FBXL17: variants seen among roughly 807,000 people sequenced by gnomAD.
FBXL17 encodes the protein F-box/LRR-repeat protein 17.
In FBXL17, 22 loss-of-function variants were observed where a neutral mutation model predicts 66.2. The ratio of observed to expected loss-of-function variants is 0.33; its 90% CI spans 0.24 to 0.47. The LOEUF (loss-of-function observed/expected upper bound fraction) is 0.47, where lower values mean the gene tolerates loss of function less well. Ranked by LOEUF, FBXL17 falls within the 20% of genes least tolerant of loss-of-function variation. The pLI is 1.00. For synonymous variants in FBXL17, 474 were observed against 400.5 expected (o/e 1.18, Z -2.19); for missense variants, 878 against 948.2 (o/e 0.93, Z 0.97).
chr5:108,374,715 G>C (rs1390737616), intron 1 of FBXL17, among the ~76,000 whole-genome samples: 1 of 151,904 alleles, frequency 6.6e-6, no homozygotes, highest in East Asian at 1.9e-4. Flanking sequence ...GGGAGGTGAG[G>C]AAAGAGGAGG....
At chr5:108,066,486 A>T (rs1281707382) in intron 6 of FBXL17, among the ~76,000 whole-genome samples, 1 of 151,948 alleles carries the variant, frequency 6.6e-6, no homozygotes, top group Non-Finnish European at 1.5e-5. Context: ...AATATAAATG[A>T]CTTCAAACAA....
intron 7 of FBXL17, among the ~76,000 whole-genome samples, chr5:107,958,216 T>A (rs1404820555): frequency 6.6e-6 from 1 of 152,116 alleles, no homozygotes; most frequent in African/African-American, 2.4e-5. Context: ...ATTTATTTAT[T>A]TTTTGGTGGC....
At chr5:108,213,145 C>T (rs955770055) in intron 5 of FBXL17, among the ~76,000 whole-genome samples, 2 of 152,106 alleles carry the variant, frequency 1.3e-5, no homozygotes, top group Non-Finnish European at 1.5e-5. Flanking sequence ...AGGTGACCCT[C>T]CCCCTACCGA....
chr5:108,323,343 T>C (rs1759704991), intron 4 of FBXL17, among the ~76,000 whole-genome samples: 1 of 151,594 alleles, frequency 6.6e-6, no homozygotes, highest in Non-Finnish European at 1.5e-5. Context: ...AAGAGAACTA[T>C]TCAATTTACA....
chr5:107,906,242 A>C (rs1005620746), intron 7 of FBXL17, among the ~76,000 whole-genome samples: 2 of 152,156 alleles, frequency 1.3e-5, no homozygotes, highest in African/African-American at 4.8e-5. Context: ...TGTTATGTTT[A>C]TATGTATATG....
In FBXL17 at chr5:108,381,210, A is replaced by G; in HGVS notation, c.482T>C (p.Leu161Pro). The G allele has an allele frequency of 8.3e-6, 12 of 1,445,894 alleles. No homozygotes were observed. Among genetic ancestry groups the G allele is most frequent in the Non-Finnish European group, 1.0e-5 (11 of 1,101,082 alleles). 89.6% of individuals were successfully genotyped at this position (1,445,894 alleles called of 1,614,324 possible). ...AWEQQGRSLFLASLGPVRFLG... is the reference protein window; with the variant it reads ...AWEQQGRSLFPASLGPVRFLG... ...GAAGCGCACCGGCCCCAAGCTGGCCAGGAAGAGACTTCGGCCCTGCTGCTC... is the reference window on the plus strand; with the variant it reads ...GAAGCGCACCGGCCCCAAGCTGGCCGGGAAGAGACTTCGGCCCTGCTGCTC... The change falls in exon 1 of 9, where the codon CTG (leucine) becomes CCG (proline). Residue 161 changes from leucine to proline, a missense_variant. Around this residue, in one of 4 missense-constraint regions of FBXL17, gnomAD observed 605 missense variants for 509.5 expected, o/e 1.19. Coordinates refer to ENST00000542267, the MANE Select transcript of FBXL17 (RefSeq NM_001163315.3).
chr5:107,882,355 ATT>A (rs10641660), intron 7 of FBXL17, among the ~76,000 whole-genome samples: 1 of 148,378 alleles, frequency 6.7e-6, no homozygotes, highest in Non-Finnish European at 1.5e-5. Context: ...TTACCTCAGT[ATT>A]TTTTTTTTTT....
intron 3 of FBXL17, 40 bp downstream of exon 3, chr5:108,364,698 T>A (rs1231585423): frequency 6.6e-7 from 1 of 1,507,148 alleles, no homozygotes; most frequent in Non-Finnish European, 9.0e-7. Flanking sequence ...ACATTTTTAA[T>A]TAATTCAAGT....
intron 4 of FBXL17, among the ~76,000 whole-genome samples, chr5:108,283,252 T>C (rs888100874): frequency 3.3e-5 from 5 of 151,856 alleles, no homozygotes; most frequent in Non-Finnish European, 7.4e-5. Context: ...TATCAAATTA[T>C]ATTATAATTT....
intron 7 of FBXL17, among the ~76,000 whole-genome samples, chr5:107,909,044 T>G (rs1749859661): frequency 6.6e-6 from 1 of 152,112 alleles, no homozygotes; most frequent in Non-Finnish European, 1.5e-5. Flanking sequence ...ATAGTCTCAT[T>G]TGTACACTTA....
chr5:107,913,496 A>G (rs186177567), intron 7 of FBXL17, among the ~76,000 whole-genome samples: 1 of 152,088 alleles, frequency 6.6e-6, no homozygotes, highest in Non-Finnish European at 1.5e-5. Context: ...TGATCATGAC[A>G]ATGATGATGG....
rs528875842 is a variant in FBXL17, at chr5:108,019,905, C to A, written c.1822+1020G>T. 2.0e-5 allele frequency among the ~76,000 whole-genome samples: 3 copies of A among 151,482 alleles called. No homozygotes were observed. In the Admixed American group the frequency reaches 2.0e-4, roughly 10 times the overall value. On this transcript the variant is annotated intron_variant, in intron 7 of 8. Transcript: ENST00000542267. ...TATAAGACATATTCTCCAAGATAAACTGAAATTAGGTGTGTTTCTAAATGT... is the reference window on the plus strand; with the variant it reads ...TATAAGACATATTCTCCAAGATAAAATGAAATTAGGTGTGTTTCTAAATGT...
rs565063726 is a variant in FBXL17, at chr5:107,984,119, C to G, written c.1822+36806G>C. ...TGAGCAAGCTCGGCCTTGGGGATTT[C>G]TACTGGTAAGGTTTTTTATTCTCAG... On this transcript the variant is annotated intron_variant, in intron 7 of 8. Transcript: ENST00000542267. Among the ~76,000 whole-genome samples, 11 of 152,174 alleles carry G rather than the reference C, an allele frequency of 7.2e-5. 1 individual carries two copies. The highest frequency in any genetic ancestry group is 2.2e-4 in the African/African-American group (9 of 41,510).
At chr5:108,195,399 T>A (rs1297962294) in intron 5 of FBXL17, among the ~76,000 whole-genome samples, 1 of 152,028 alleles carries the variant, frequency 6.6e-6, no homozygotes, top group Non-Finnish European at 1.5e-5. Context: ...GCAAAGGCCC[T>A]GAGATGGAAA....
At chr5:108,219,928 C>CTTTTT in intron 5 of FBXL17, among the ~76,000 whole-genome samples, 11 of 37,454 alleles carry the variant, frequency 2.9e-4, no homozygotes, top group African/African-American at 9.7e-4. Context: ...TTACTATTTC[C>CTTTTT]TTTTTTTTTT....
At chr5:108,355,381 C>T (rs1287246816) in intron 3 of FBXL17, among the ~76,000 whole-genome samples, 3 of 151,798 alleles carry the variant, frequency 2.0e-5, no homozygotes, top group Admixed American at 6.6e-5. Flanking sequence ...CTCCGCCTCC[C>T]AGGTTCAAGC....
At chr5:108,353,485 C>T (rs955258408) in intron 3 of FBXL17, among the ~76,000 whole-genome samples, 4 of 152,226 alleles carry the variant, frequency 2.6e-5, no homozygotes, top group Middle Eastern at 3.4e-3. Flanking sequence ...CAGGTCTTCA[C>T]GGAGAATACT....
intron 6 of FBXL17, among the ~76,000 whole-genome samples, chr5:108,032,334 T>A (rs1746673155): frequency 6.6e-6 from 1 of 152,144 alleles, no homozygotes; most frequent in Non-Finnish European, 1.5e-5. Flanking sequence ...ATTGAGGCCC[T>A]AGCATGGAAC....
intron 5 of FBXL17, among the ~76,000 whole-genome samples, chr5:108,194,260 A>G (rs1485716317): frequency 1.3e-5 from 2 of 151,818 alleles, no homozygotes; most frequent in African/African-American, 4.8e-5. Context: ...CTCTCACTTC[A>G]CTTATGTTAT....
Sources: gnomAD v4.1 joint callset for allele counts (sites outside exome capture counted in the v4.1 genomes callset) on GRCh38, gnomAD v4.1.1 for gene constraint, gnomAD v4.1.1 regional missense constraint, MANE v1.5 for transcripts, NCBI Gene and HGNC (gene_info 2026-07-23, HGNC 2026-07-21) for gene names.